CCDC192: variants seen among roughly 807,000 people sequenced by gnomAD.
CCDC192 encodes the protein coiled-coil domain containing 192.
intron 1 of CCDC192, among the ~76,000 whole-genome samples, chr5:127,704,394 G>C (rs2126765429): frequency 6.6e-6 from 1 of 152,260 alleles, no homozygotes; most frequent in East Asian, 1.9e-4. Context: ...CACCATGTTG[G>C]CCAGGCTGGT....
intron 2 of CCDC192, among the ~76,000 whole-genome samples, chr5:127,748,916 T>G (rs1753950796): frequency 6.6e-6 from 1 of 151,790 alleles, no homozygotes; most frequent in Admixed American, 6.6e-5. Context: ...GTTTGTCTGT[T>G]GTTGGTGTAT....
At chr5:127,852,842 C>G (rs1290383921) in intron 5 of CCDC192, among the ~76,000 whole-genome samples, 1 of 152,136 alleles carries the variant, frequency 6.6e-6, no homozygotes, top group Non-Finnish European at 1.5e-5. Flanking sequence ...CACCTGTAAT[C>G]CCAGCACTCT....
At position 127,920,407 on chromosome 5, in the gene CCDC192, C is replaced by CTTTT. The variant is rs11388727; in HGVS notation, c.536-20760_536-20757dup. Among the ~76,000 whole-genome samples, 359 of 115,790 alleles carry CTTTT rather than the reference C, an allele frequency of 3.1e-3. 13 individuals carry two copies. Among genetic ancestry groups the CTTTT allele is most frequent in the African/African-American group, 0.012 (341 of 29,264 alleles). 76.0% of individuals were successfully genotyped at this position (115,790 alleles called of 152,430 possible). On this transcript the variant is annotated intron_variant, in intron 6 of 6. Transcript: ENST00000514853. ...AGGAAGCTAAAAGGAACTGAAGAGG[C>CTTTT]TTTTTTTTTTTTTTTTTTGAGATGG...
At chr5:127,729,747 G>T (rs2409000) in intron 2 of CCDC192, among the ~76,000 whole-genome samples, 7,854 of 152,172 alleles carry the variant, frequency 0.052, 496 homozygotes, top group East Asian at 0.27. Flanking sequence ...CATGAAAATT[G>T]AACTACCTGC....
Position 127,729,942 on chromosome 5 carries a change from G to A in CCDC192, c.114+22182G>A, listed in dbSNP as rs115176189. Among the ~76,000 whole-genome samples the A allele has an allele frequency of 2.0e-3, 306 of 152,014 alleles. 1 individual carries two copies. The highest frequency in any genetic ancestry group is 6.9e-3 in the African/African-American group (286 of 41,502). On this transcript the variant is annotated intron_variant, in intron 2 of 6. Transcript: ENST00000514853. ...ATTAGAAAGATCTCAAATCGACATC[G>A]TAATACACAAATAAAAGAACTAGAG... is the stretch of plus-strand genomic sequence containing the variant.
chr5:127,900,777 G>A (rs1208724849), intron 6 of CCDC192, among the ~76,000 whole-genome samples: 1 of 152,044 alleles, frequency 6.6e-6, no homozygotes, highest in African/African-American at 2.4e-5. Flanking sequence ...ACAAGTAAGG[G>A]GGATATGGCA....
intron 2 of CCDC192, among the ~76,000 whole-genome samples, chr5:127,749,572 C>G (rs1754000872): frequency 1.3e-5 from 2 of 151,896 alleles, no homozygotes; most frequent in Admixed American, 6.6e-5. Context: ...TTCTAAAATT[C>G]TCTTTTTTGG....
At chr5:127,766,555 C>T (rs57198268) in intron 3 of CCDC192, among the ~76,000 whole-genome samples, 1 of 139,024 alleles carries the variant, frequency 7.2e-6, no homozygotes, top group Non-Finnish European at 1.5e-5. Flanking sequence ...TCCAAGATGT[C>T]TACTTCTTAC....
chr5:127,882,984 C>G, intron 6 of CCDC192, among the ~76,000 whole-genome samples: 1 of 152,184 alleles, frequency 6.6e-6, no homozygotes, highest in East Asian at 1.9e-4. Flanking sequence ...TACCAGTCTA[C>G]CTAGGGTTTT....
At chr5:127,752,518 C>G (rs1413265285) in intron 2 of CCDC192, among the ~76,000 whole-genome samples, 2 of 152,228 alleles carry the variant, frequency 1.3e-5, no homozygotes, top group Admixed American at 6.5e-5. Flanking sequence ...CTCTTCAAAG[C>G]TGTCAGACAG....
At chr5:127,918,051 C>T (rs116411383) in intron 6 of CCDC192, among the ~76,000 whole-genome samples, 2,023 of 152,082 alleles carry the variant, frequency 0.013, 33 homozygotes, top group African/African-American at 0.046. Flanking sequence ...GGGAGGATCA[C>T]GTGAGTCCAG....
At chr5:127,853,016 G>A (rs145740384) in intron 5 of CCDC192, among the ~76,000 whole-genome samples, 1,964 of 152,236 alleles carry the variant, frequency 0.013, 49 homozygotes, top group African/African-American at 0.044. Flanking sequence ...TGTGAACCCA[G>A]GAGGCGGAGC....
intron 3 of CCDC192, among the ~76,000 whole-genome samples, chr5:127,755,200 T>G (rs1205627376): frequency 2.0e-5 from 3 of 152,128 alleles, no homozygotes; most frequent in African/African-American, 7.2e-5. Context: ...TCTGGATTGA[T>G]ACATTTAGAT....
chr5:127,814,529 G>C (rs1270672226), intron 5 of CCDC192, among the ~76,000 whole-genome samples: 2 of 152,190 alleles, frequency 1.3e-5, no homozygotes, highest in African/African-American at 4.8e-5. Context: ...GGAGGGTTGA[G>C]ATTTTAGCCT....
chr5:127,878,150 A>G (rs1752155645), intron 6 of CCDC192, among the ~76,000 whole-genome samples: 1 of 152,240 alleles, frequency 6.6e-6, no homozygotes, highest in South Asian at 2.1e-4. Flanking sequence ...GAATGGAAAT[A>G]TGGCCACAAG....
intron 6 of CCDC192, among the ~76,000 whole-genome samples, chr5:127,937,790 G>A (rs1403024320): frequency 6.6e-6 from 1 of 152,332 alleles, no homozygotes; most frequent in South Asian, 2.1e-4. Flanking sequence ...TATCATTAGA[G>A]CTGGGTGAAC....
chr5:127,812,566 C>A (rs762462973), intron 5 of CCDC192, among the ~76,000 whole-genome samples: 30 of 152,072 alleles, frequency 2.0e-4, no homozygotes, highest in Non-Finnish European at 2.9e-4. Flanking sequence ...TACCAAATTC[C>A]ATTTTATTGA....
chr5:127,847,131 T>A (rs1750588880), intron 5 of CCDC192, among the ~76,000 whole-genome samples: 2 of 152,242 alleles, frequency 1.3e-5, no homozygotes, highest in Non-Finnish European at 2.9e-5. Flanking sequence ...TTGCACAATC[T>A]AATCTCTTGC....
chr5:127,939,685 ATGTT>A (rs778184846), intron 6 of CCDC192, among the ~76,000 whole-genome samples: 2 of 94,084 alleles, frequency 2.1e-5, no homozygotes, highest in Non-Finnish European at 4.2e-5. Context: ...GGTTATTTTT[ATGTT>A]TTTTTTTTTT....
Sources: allele counts gnomAD v4.1 joint callset (sites outside exome capture counted in the v4.1 genomes callset), GRCh38; gene constraint gnomAD v4.1.1; transcripts MANE v1.5; gene names NCBI Gene and HGNC (gene_info 2026-07-23, HGNC 2026-07-21).